PTPRN2: variants seen among roughly 807,000 people sequenced by gnomAD.
PTPRN2 encodes protein tyrosine phosphatase receptor type N2.
Under a neutral mutation model 118.8 loss-of-function variants are expected in PTPRN2, and 74 were observed. The ratio of observed to expected loss-of-function variants is 0.62; its 90% CI spans 0.52 to 0.76. PTPRN2 has a LOEUF of 0.76. PTPRN2 is among the 30% of genes least tolerant of loss of function. The probability of loss-of-function intolerance (pLI) is 0.00; values close to 1 mark genes in which losing one functional copy is unlikely to be tolerated. For missense variants in PTPRN2, 1,481 were observed against 1,394.4 expected, an observed-to-expected ratio of 1.06 and a Z score of -0.99; for synonymous variants, 641 against 608.0, an observed-to-expected ratio of 1.05 and a Z score of -0.80.
chr7:158,060,893 C>T (rs1480126448), intron 11 of PTPRN2, among the ~76,000 whole-genome samples: 1 of 152,208 alleles, frequency 6.6e-6, no homozygotes, highest in Non-Finnish European at 1.5e-5. Flanking sequence ...CGAAAGTTTC[C>T]TTTATTAAGT....
chr7:158,553,079 C>T (rs1156827295), intron 1 of PTPRN2, among the ~76,000 whole-genome samples: 3 of 152,094 alleles, frequency 2.0e-5, no homozygotes, highest in Non-Finnish European at 4.4e-5. Flanking sequence ...TCTACACTAC[C>T]TTCCTGCGTA....
At chr7:157,656,750 G>C (rs185893459) in intron 13 of PTPRN2, among the ~76,000 whole-genome samples, 199 bp from the exon 14 acceptor site, 2 of 152,046 alleles carry the variant, frequency 1.3e-5, no homozygotes, top group Admixed American at 6.6e-5. Context: ...ACGGTGACCC[G>C]AGAAGACTTC....
chr7:158,423,360 C>T (rs1563275991), intron 2 of PTPRN2, among the ~76,000 whole-genome samples: 1 of 152,220 alleles, frequency 6.6e-6, no homozygotes, highest in Non-Finnish European at 1.5e-5. Flanking sequence ...CAAGCCTGAC[C>T]TTTCCGGGGA....
At chr7:157,709,244 G>C (rs1798480115) in intron 12 of PTPRN2, among the ~76,000 whole-genome samples, 1 of 152,236 alleles carries the variant, frequency 6.6e-6, no homozygotes, top group African/African-American at 2.4e-5. Context: ...ACGTGCCACA[G>C]ATCAATACGA....
rs555721842 is a variant in PTPRN2, at chr7:157,775,324, G to T, written c.1789-92387C>A. Among the ~76,000 whole-genome samples the T allele has an allele frequency of 2.0e-5, 3 of 152,312 alleles. No individual in the cohort carries two copies. The East Asian group carries it at 5.8e-4, about 29-fold the overall frequency. On this transcript the variant is annotated intron_variant, in intron 12 of 22. Transcript: ENST00000389418. ...CAGTTTCCACCCAAATTCATGAGCC[G>T]CAGTGGCCAGGCTACCTCACCTCAC...
chr7:157,835,006 ACTT>A (rs1278950482), intron 12 of PTPRN2, among the ~76,000 whole-genome samples: 1 of 152,164 alleles, frequency 6.6e-6, no homozygotes, highest in African/African-American at 2.4e-5. Flanking sequence ...GTGATGAGCT[ACTT>A]CTTGCCTTTT....
chr7:157,722,401 G>T lies in PTPRN2; in HGVS notation c.1789-39464C>A, dbSNP rs550363187. 1.2e-3 allele frequency among the ~76,000 whole-genome samples: 184 copies of T among 152,370 alleles called. No individual in the cohort carries two copies. The South Asian group carries it at 0.017, about 14-fold the overall frequency. The stretch of plus-strand genomic sequence containing the variant: ...TCAGATGGAGCCAGGGCCAGGGGCA[G>T]GGCGGGGGTGCAGGGGCTCTCGAGG... On this transcript the variant is annotated intron_variant, in intron 12 of 22. Coordinates refer to ENST00000389418, the MANE Select transcript of PTPRN2 (RefSeq NM_002847.5).
At chr7:158,192,262 T>C in intron 5 of PTPRN2, 65 bp downstream of exon 5, 2 of 1,384,466 alleles carry the variant, frequency 1.4e-6, no homozygotes, top group Non-Finnish European at 1.9e-6. Context: ...TAAGGAAACA[T>C]GCCCAGGTAC....
intron 11 of PTPRN2, among the ~76,000 whole-genome samples, chr7:157,942,848 G>A (rs1800234942): frequency 6.6e-6 from 1 of 152,172 alleles, no homozygotes; most frequent in Non-Finnish European, 1.5e-5. Flanking sequence ...TCCCACTGGT[G>A]CCACCCCAGC....
At chr7:157,951,293 C>A (rs914718843) in intron 11 of PTPRN2, among the ~76,000 whole-genome samples, 4 of 152,066 alleles carry the variant, frequency 2.6e-5, no homozygotes, top group African/African-American at 9.7e-5. Context: ...TTACTCCTTG[C>A]AAAGATTATT....
At chr7:158,214,428 ACAC>A (rs1161488064) in intron 3 of PTPRN2, among the ~76,000 whole-genome samples, 3 of 151,342 alleles carry the variant, frequency 2.0e-5, no homozygotes, top group East Asian at 1.9e-4. Context: ...ACACACACAC[ACAC>A]AACTAAAGCA....
intron 12 of PTPRN2, among the ~76,000 whole-genome samples, chr7:157,836,846 T>C (rs79880131): frequency 3.4e-4 from 52 of 151,962 alleles, no homozygotes; most frequent in African/African-American, 9.2e-4. Flanking sequence ...GTGTGTCCAT[T>C]CATCCATCCA....
At chr7:157,739,736 G>T (rs182963337) in intron 12 of PTPRN2, among the ~76,000 whole-genome samples, 125 of 152,354 alleles carry the variant, frequency 8.2e-4, no homozygotes, top group African/African-American at 2.9e-3. Flanking sequence ...CTTGCACACA[G>T]ATCAGCCCTG....
At chr7:157,791,616 G>A (rs74803938) in intron 12 of PTPRN2, among the ~76,000 whole-genome samples, 5,885 of 151,240 alleles carry the variant, frequency 0.039, 433 homozygotes, top group African/African-American at 0.14. Flanking sequence ...GGTGGTGAGA[G>A]CGGAGGGGCT....
intron 6 of PTPRN2, among the ~76,000 whole-genome samples, chr7:158,150,109 G>T (rs1267791768): frequency 1.3e-5 from 2 of 152,322 alleles, no homozygotes; most frequent in Non-Finnish European, 2.9e-5. Context: ...TGCCGTGGGT[G>T]TTCTGCTGAG....
rs538099412 is a variant in PTPRN2, at chr7:158,458,483, T to TC, written c.163+31251dup. On this transcript the variant is annotated intron_variant, in intron 2 of 22. Coordinates refer to ENST00000389418, the MANE Select transcript of PTPRN2 (RefSeq NM_002847.5). ...CCTGACCACCCGGATCTTTTAAAGC[T>TC]CCCCCGGTTTTTAAAAGCTCTAATA... Among the ~76,000 whole-genome samples, 719 of 151,992 alleles carry TC rather than the reference T, an allele frequency of 4.7e-3. 4 individuals are homozygous for TC. Among genetic ancestry groups the TC allele is most frequent in the African/African-American group, 0.016 (676 of 41,436 alleles).
intron 1 of PTPRN2, among the ~76,000 whole-genome samples, chr7:158,505,057 G>C (rs1822643120): frequency 6.6e-6 from 1 of 152,166 alleles, no homozygotes; most frequent in Non-Finnish European, 1.5e-5. Flanking sequence ...TCACCCTATA[G>C]GGTTGCCGGG....
rs139639095 is a variant in PTPRN2 at position 158,547,025 on chromosome 7, C to T, written c.112+40533G>A. Among the ~76,000 whole-genome samples, 280 of 152,286 alleles carry T rather than the reference C, an allele frequency of 1.8e-3. 2 individuals carry two copies. The highest frequency in any genetic ancestry group is 0.014 in the South Asian group (68 of 4,822). On this transcript the variant is annotated intron_variant, in intron 1 of 22. Transcript: ENST00000389418. Reference sequence around the variant, plus strand: ...GCACAGAAAGAAGCTCAGACCCAGGCCCTCCTGCCAGGCAAGGCCCCCGGA... The same window carrying T: ...GCACAGAAAGAAGCTCAGACCCAGGTCCTCCTGCCAGGCAAGGCCCCCGGA...
chr7:158,354,149 G>C (rs936696563), intron 2 of PTPRN2, among the ~76,000 whole-genome samples: 1 of 152,182 alleles, frequency 6.6e-6, no homozygotes, highest in Non-Finnish European at 1.5e-5. Context: ...CTGGGCTTAA[G>C]GCGCCATCTA....
Sources: allele counts gnomAD v4.1 joint callset (sites outside exome capture counted in the v4.1 genomes callset), GRCh38; gene constraint gnomAD v4.1.1; transcripts MANE v1.5; gene names NCBI Gene and HGNC (gene_info 2026-07-23, HGNC 2026-07-21).